SERPINI1: variants seen among roughly 807,000 people sequenced by gnomAD.
The protein encoded by SERPINI1 is serpin family I member 1, also known as neuroserpin.
A neutral mutation model predicts 41.1 loss-of-function variants in SERPINI1; 19 were observed. That is an observed-to-expected ratio of 0.46 (90% CI 0.32 to 0.68). The LOEUF is 0.68. SERPINI1 is among the 30% of genes least tolerant of loss of function. The pLI, the probability that SERPINI1 is intolerant of heterozygous loss-of-function variation, is 0.03. For synonymous variants in SERPINI1, 138 were observed against 156.6 expected (o/e 0.88, Z 0.89); for missense variants, 460 against 479.2 (o/e 0.96, Z 0.37).
At chr3:167,804,227 G>A (rs1479160521) in intron 5 of SERPINI1, among the ~76,000 whole-genome samples, 1 of 152,112 alleles carries the variant, frequency 6.6e-6, no homozygotes, top group South Asian at 2.1e-4. Flanking sequence ...TGATATACAT[G>A]TACTCATCTG....
At chr3:167,759,400 GTATATATATA>G (rs71753556) in intron 1 of SERPINI1, among the ~76,000 whole-genome samples, 7 of 121,118 alleles carry the variant, frequency 5.8e-5, no homozygotes, top group African/African-American at 9.1e-5. Flanking sequence ...AGAAAATGTG[GTATATATATA>G]TATATATATA....
chr3:167,771,989 C>T (rs1017287090), intron 1 of SERPINI1, among the ~76,000 whole-genome samples: 4 of 152,194 alleles, frequency 2.6e-5, no homozygotes, highest in African/African-American at 7.2e-5. Flanking sequence ...TGAAATAGTA[C>T]GAGGCTTGAA....
chr3:167,775,608 C>T (rs1326206315), intron 1 of SERPINI1, among the ~76,000 whole-genome samples: 2 of 152,094 alleles, frequency 1.3e-5, no homozygotes. Context: ...TACACGAAAA[C>T]ATTTTAATAA....
In SERPINI1 at chr3:167,780,015, G is replaced by A. The variant is rs557944143; in HGVS notation, c.-18-9096G>A. 3.9e-5 allele frequency among the ~76,000 whole-genome samples: 6 copies of A among 152,206 alleles called. No individual in the cohort carries two copies. In the South Asian group the frequency reaches 1.2e-3, roughly 32 times the overall value. Reference sequence around the variant, plus strand: ...ACAGGTTCTGGCCCATTGGCTTTAAGAGGCATCTCAGTTTAGTAATGGTTT... The same window carrying A: ...ACAGGTTCTGGCCCATTGGCTTTAAAAGGCATCTCAGTTTAGTAATGGTTT... On this transcript the variant is annotated intron_variant, in intron 1 of 8. Coordinates refer to ENST00000446050, the MANE Select transcript of SERPINI1 (RefSeq NM_001122752.2).
rs371942848 is a variant in SERPINI1 at position 167,825,407 on chromosome 3, A to T, written c.*84A>T. Reference sequence around the variant, plus strand: ...TATATATTTAGGATTTGTGTTTTACAGTATATCTTAAGATAATATTTAAAA... The same window carrying T: ...TATATATTTAGGATTTGTGTTTTACTGTATATCTTAAGATAATATTTAAAA... On this transcript the variant is annotated 3_prime_UTR_variant, in exon 9 of 9. Transcript: ENST00000446050. 1 of 856,268 alleles carries T rather than the reference A, an allele frequency of 1.2e-6. No homozygotes were observed. Among genetic ancestry groups the T allele is most frequent in the Non-Finnish European group, 2.0e-6 (1 of 493,888 alleles). The allele number at this position is 856,268 out of a possible 1,614,324, so 53.0% of individuals were successfully genotyped here. A position where few individuals can be genotyped will look rare whatever the true frequency, so the allele number is the denominator to read the frequency against.
intron 6 of SERPINI1, among the ~76,000 whole-genome samples, chr3:167,822,579 A>C (rs1168947776): frequency 6.6e-6 from 1 of 152,104 alleles, no homozygotes; most frequent in African/African-American, 2.4e-5. Flanking sequence ...AGGTTAAAAA[A>C]GGAAAAAATT....
intron 1 of SERPINI1, among the ~76,000 whole-genome samples, chr3:167,780,604 G>C (rs893646447): frequency 6.6e-6 from 1 of 152,138 alleles, no homozygotes; most frequent in African/African-American, 2.4e-5. Context: ...CTACTTCCAT[G>C]TGTTTTCTAT....
At chr3:167,808,358 T>C (rs1307439575) in intron 6 of SERPINI1, among the ~76,000 whole-genome samples, 3 of 151,786 alleles carry the variant, frequency 2.0e-5, no homozygotes, top group Non-Finnish European at 4.4e-5. Flanking sequence ...TGGAAGTATT[T>C]TTAAGTAGCT....
chr3:167,806,273 G>T (rs2108566700), intron 5 of SERPINI1, among the ~76,000 whole-genome samples: 1 of 152,124 alleles, frequency 6.6e-6, no homozygotes, highest in South Asian at 2.1e-4. Context: ...GTCGAACAAT[G>T]AGAACATGTA....
At chr3:167,813,038 G>T (rs1328014714) in intron 6 of SERPINI1, among the ~76,000 whole-genome samples, 2 of 152,156 alleles carry the variant, frequency 1.3e-5, no homozygotes, top group Non-Finnish European at 2.9e-5. Flanking sequence ...TAATAAAGGA[G>T]CCAATAAAAT....
At chr3:167,781,296 C>T (rs1017579563) in intron 1 of SERPINI1, among the ~76,000 whole-genome samples, 1 of 151,872 alleles carries the variant, frequency 6.6e-6, no homozygotes, top group Non-Finnish European at 1.5e-5. Context: ...AAAGTTTTCA[C>T]CAGTCTGTGG....
chr3:167,772,889 TATATACACAC>T (rs1253645193), intron 1 of SERPINI1, among the ~76,000 whole-genome samples: 35 of 77,128 alleles, frequency 4.5e-4, no homozygotes, highest in Non-Finnish European at 5.7e-4. Context: ...TATATATATA[TATATACACAC>T]ACACACACAC....
chr3:167,801,491 C>A (rs942997059), intron 5 of SERPINI1, among the ~76,000 whole-genome samples: 4 of 151,892 alleles, frequency 2.6e-5, no homozygotes, highest in Non-Finnish European at 5.9e-5. Flanking sequence ...GCTTTACTGT[C>A]AGAAAGACCT....
intron 6 of SERPINI1, among the ~76,000 whole-genome samples, chr3:167,812,873 C>A (rs1711940616): frequency 6.6e-6 from 1 of 152,080 alleles, no homozygotes; most frequent in South Asian, 2.1e-4. Flanking sequence ...TTAAAATGCT[C>A]ATCTACTTGC....
At chr3:167,806,178 T>G (rs1374165410) in intron 5 of SERPINI1, among the ~76,000 whole-genome samples, 1 of 152,120 alleles carries the variant, frequency 6.6e-6, no homozygotes, top group African/African-American at 2.4e-5. Flanking sequence ...TGCAGGGACA[T>G]GGATGAAGCT....
At chr3:167,789,440 G>T in intron 2 of SERPINI1, 62 bp downstream of exon 2, 1 of 1,583,386 alleles carries the variant, frequency 6.3e-7, no homozygotes, top group East Asian at 2.2e-5. Flanking sequence ...CAGTTATGTT[G>T]TATTCTTATT....
intron 1 of SERPINI1, among the ~76,000 whole-genome samples, chr3:167,752,689 C>T (rs1288306146): frequency 1.3e-5 from 2 of 151,908 alleles, no homozygotes; most frequent in Non-Finnish European, 2.9e-5. Flanking sequence ...AATGCAACAT[C>T]CTTGCTGCTT....
At position 167,825,385 on chromosome 3, in the gene SERPINI1, A is replaced by G. The variant is rs1421600005; in HGVS notation, c.*62A>G. 7 of 1,008,420 alleles carry G rather than the reference A, an allele frequency of 6.9e-6. No individual in the cohort carries two copies. The highest frequency in any genetic ancestry group is 1.1e-5 in the Non-Finnish European group (7 of 627,632). 62.5% of individuals were successfully genotyped at this position (1,008,420 alleles called of 1,614,324 possible). ...AGCACATTATGTTTGCAACTGGTAT[A>G]TATTTAGGATTTGTGTTTTACAGTA... On this transcript the variant is annotated 3_prime_UTR_variant, in exon 9 of 9. Transcript: ENST00000446050.
intron 1 of SERPINI1, among the ~76,000 whole-genome samples, chr3:167,774,986 T>A (rs115680309): frequency 1.2e-4 from 18 of 152,180 alleles, no homozygotes; most frequent in Non-Finnish European, 2.5e-4. Flanking sequence ...AAATACCATT[T>A]AATATGGGTG....
Sources: gnomAD v4.1 joint callset for allele counts (sites outside exome capture counted in the v4.1 genomes callset) on GRCh38, gnomAD v4.1.1 for gene constraint, MANE v1.5 for transcripts, NCBI Gene and HGNC (gene_info 2026-07-23, HGNC 2026-07-21) for gene names.